CRPPA: variants seen among roughly 807,000 people sequenced by gnomAD.
The protein encoded by CRPPA is CDP-L-ribitol pyrophosphorylase A.
In CRPPA, 43 loss-of-function variants were observed where a neutral mutation model predicts 52.0. The observed-to-expected ratio is 0.83, with a 90% CI of 0.65 to 1.07. CRPPA has a LOEUF of 1.07. CRPPA is among the 50% of genes least tolerant of loss of function. The pLI, the probability that CRPPA is intolerant of heterozygous loss-of-function variation, is 0.00. For synonymous variants in CRPPA, 250 were observed against 203.5 expected (o/e 1.23, Z -1.94); for missense variants, 629 against 551.7 (o/e 1.14, Z -1.40).
chr7:16,308,332 T>C (rs889252234), intron 4 of CRPPA, among the ~76,000 whole-genome samples, 191 bp downstream of exon 4: 2 of 152,194 alleles, frequency 1.3e-5, no homozygotes, highest in African/African-American at 4.8e-5. Context: ...AAATGAGATG[T>C]GTCTGAGTAA....
intron 9 of CRPPA, among the ~76,000 whole-genome samples, chr7:16,207,126 T>C (rs893764271): frequency 2.6e-5 from 4 of 152,174 alleles, no homozygotes; most frequent in Non-Finnish European, 4.4e-5. Flanking sequence ...GACCTTATTT[T>C]GCAAACTATT....
intron 3 of CRPPA, among the ~76,000 whole-genome samples, chr7:16,315,144 T>C (rs1368727231): frequency 6.6e-6 from 1 of 152,168 alleles, no homozygotes; most frequent in Non-Finnish European, 1.5e-5. Flanking sequence ...CATTCATGTC[T>C]AGTCTACCGA....
At chr7:16,308,706 A>G in intron 3 of CRPPA, 79 bp from the exon 4 acceptor site, 1 of 860,794 alleles carries the variant, frequency 1.2e-6, no homozygotes, top group Non-Finnish European at 1.9e-6. Flanking sequence ...TTCATAATCC[A>G]TTGCAAACAA....
chr7:16,306,946 A>C (rs1291605323), intron 4 of CRPPA, among the ~76,000 whole-genome samples: 1 of 152,154 alleles, frequency 6.6e-6, no homozygotes, highest in African/African-American at 2.4e-5. Flanking sequence ...CAAACATGTC[A>C]ATATTTTGGA....
At chr7:16,274,571 C>G (rs1176093198) in intron 6 of CRPPA, among the ~76,000 whole-genome samples, 1 of 151,956 alleles carries the variant, frequency 6.6e-6, no homozygotes, top group Non-Finnish European at 1.5e-5. Context: ...AATAAAAAGT[C>G]TAATTTATCT....
intron 8 of CRPPA, among the ~76,000 whole-genome samples, chr7:16,232,827 C>T (rs184242175): frequency 3.3e-5 from 5 of 152,148 alleles, no homozygotes; most frequent in Admixed American, 2.0e-4. Flanking sequence ...AGCTTAAATA[C>T]CAAACCTTTT....
At chr7:16,313,337 T>G (rs1318640954) in intron 3 of CRPPA, among the ~76,000 whole-genome samples, 3 of 151,980 alleles carry the variant, frequency 2.0e-5, no homozygotes, top group Non-Finnish European at 2.9e-5. Context: ...CCTAAGTTAC[T>G]AAGTTTTTAG....
chr7:16,232,288 A>C (rs1482720886), intron 8 of CRPPA, among the ~76,000 whole-genome samples: 1 of 152,194 alleles, frequency 6.6e-6, no homozygotes, highest in East Asian at 1.9e-4. Context: ...TAACAGTATT[A>C]AGAGATAGGG....
intron 9 of CRPPA, among the ~76,000 whole-genome samples, chr7:16,120,207 C>A (rs996624874): frequency 1.3e-5 from 2 of 152,090 alleles, no homozygotes; most frequent in East Asian, 3.9e-4. Flanking sequence ...CAGGTGTTGA[C>A]CTTGGTCAGG....
At chr7:16,198,249 C>T (rs1372472106) in intron 9 of CRPPA, among the ~76,000 whole-genome samples, 6 of 20,300 alleles carry the variant, frequency 3.0e-4, no homozygotes, top group Admixed American at 1.5e-3. Flanking sequence ...TGGAATGTCT[C>T]GGTATAAAAC....
intron 3 of CRPPA, among the ~76,000 whole-genome samples, chr7:16,360,888 T>C (rs1786425715): frequency 6.6e-6 from 1 of 152,062 alleles, no homozygotes; most frequent in Admixed American, 6.6e-5. Flanking sequence ...CATATCTAAA[T>C]TTAAGAATTC....
chr7:16,389,929 AT>A lies in CRPPA; in HGVS notation c.535-13689del, dbSNP rs1223444479. ...CCTAGTATACAAAAAAAAAAAAAAA[AT>A]ATATATATATATATATATATATATA... On this transcript the variant is annotated intron_variant, in intron 2 of 9. Coordinates refer to ENST00000407010, the MANE Select transcript of CRPPA (RefSeq NM_001101426.4). Among the ~76,000 whole-genome samples the A allele has an allele frequency of 4.4e-3, 167 of 38,082 alleles. 2 individuals are homozygous for A. Among genetic ancestry groups the A allele is most frequent in the African/African-American group, 0.011 (88 of 8,046 alleles). 25.0% of individuals were successfully genotyped at this position (38,082 alleles called of 152,430 possible).
intron 2 of CRPPA, among the ~76,000 whole-genome samples, chr7:16,396,086 G>A (rs1203809604): frequency 6.6e-6 from 1 of 152,124 alleles, no homozygotes; most frequent in East Asian, 1.9e-4. Context: ...AATTTCTTTA[G>A]ATCCAGGATT....
intron 9 of CRPPA, among the ~76,000 whole-genome samples, chr7:16,130,266 G>A (rs1351629648): frequency 6.6e-6 from 1 of 152,144 alleles, no homozygotes; most frequent in African/African-American, 2.4e-5. Flanking sequence ...CAGGCAGGAA[G>A]AAGTAAGCAA....
intron 2 of CRPPA, among the ~76,000 whole-genome samples, chr7:16,395,363 G>A (rs1787543315): frequency 6.6e-6 from 1 of 152,108 alleles, no homozygotes; most frequent in African/African-American, 2.4e-5. Context: ...TTCTCCTCAG[G>A]CAACTGCATT....
intron 8 of CRPPA, among the ~76,000 whole-genome samples, chr7:16,255,599 A>G (rs758776922): frequency 1.3e-5 from 2 of 152,210 alleles, no homozygotes; most frequent in Non-Finnish European, 2.9e-5. Context: ...ACAGATATAT[A>G]GACCAATGGA....
intron 3 of CRPPA, among the ~76,000 whole-genome samples, chr7:16,325,996 T>C (rs1785378484): frequency 6.6e-6 from 1 of 150,712 alleles, no homozygotes; most frequent in African/African-American, 2.4e-5. Context: ...GGTCTAGTAA[T>C]ACGCTTTATT....
intron 5 of CRPPA, among the ~76,000 whole-genome samples, chr7:16,300,157 T>C (rs1297079988): frequency 6.6e-6 from 1 of 152,224 alleles, no homozygotes; most frequent in African/African-American, 2.4e-5. Context: ...TTATAGTACA[T>C]TAATAGTTTA....
At chr7:16,326,512 A>G (rs1332589467) in intron 3 of CRPPA, among the ~76,000 whole-genome samples, 3 of 152,212 alleles carry the variant, frequency 2.0e-5, no homozygotes, top group Admixed American at 1.3e-4. Context: ...CAAGTTCATT[A>G]TGAGCTAAAA....
Sources: gnomAD v4.1 joint callset for allele counts (sites outside exome capture counted in the v4.1 genomes callset) on GRCh38, gnomAD v4.1.1 for gene constraint, MANE v1.5 for transcripts, NCBI Gene and HGNC (gene_info 2026-07-23, HGNC 2026-07-21) for gene names.